SOCS6: variants seen among roughly 807,000 people sequenced by gnomAD.
The protein encoded by SOCS6 is STAT induced STAT inhibitor-4.
Under a neutral mutation model 27.7 loss-of-function variants are expected in SOCS6, and 5 were observed. The observed-to-expected ratio is 0.18, with a 90% CI of 0.09 to 0.38. The LOEUF is 0.38. SOCS6 is among the 10% of genes least tolerant of loss of function. SOCS6 has a pLI of 1.00. For missense variants in SOCS6, 595 were observed against 688.1 expected (o/e 0.86, Z 1.51); for synonymous variants, 271 against 260.0 (o/e 1.04, Z -0.41).
chr18:70,310,742 C>T (rs2062387686), intron 1 of SOCS6, among the ~76,000 whole-genome samples: 1 of 152,136 alleles, frequency 6.6e-6, no homozygotes, highest in Admixed American at 6.5e-5. Context: ...GGACTCTCGT[C>T]TCCCGTCTCC....
intron 1 of SOCS6, among the ~76,000 whole-genome samples, chr18:70,310,951 T>C (rs1439240722): frequency 1.3e-5 from 2 of 152,168 alleles, no homozygotes; most frequent in Non-Finnish European, 2.9e-5. Context: ...GAGATAAAAA[T>C]AGTGTCTTCC....
chr18:70,319,205 A>C (rs1304109452), intron 1 of SOCS6, among the ~76,000 whole-genome samples: 1 of 152,118 alleles, frequency 6.6e-6, no homozygotes, highest in East Asian at 1.9e-4. Context: ...GGGAATGGCA[A>C]ATAGTGTTCT....
At chr18:70,292,159 A>T (rs993103156) in intron 1 of SOCS6, among the ~76,000 whole-genome samples, 4 of 152,104 alleles carry the variant, frequency 2.6e-5, no homozygotes, top group Admixed American at 2.0e-4. Context: ...AGACATACTT[A>T]GATAAAGTCA....
intron 1 of SOCS6, among the ~76,000 whole-genome samples, chr18:70,293,756 C>T (rs886453429): frequency 7.2e-5 from 11 of 151,892 alleles, no homozygotes; most frequent in Admixed American, 3.3e-4. Flanking sequence ...TGTTCCTTTA[C>T]GTATATAATA....
In SOCS6 at chr18:70,324,847, A is replaced by T. The variant is rs1322835301; in HGVS notation, c.179A>T (p.Asp60Val). Residue 60 changes from aspartate (D) to valine (V), a missense_variant, in exon 2 of 2, where the codon GAT (aspartate) becomes GTT (valine). By Grantham distance (152) the Asp-to-Val change is radical (BLOSUM62 -3). Around this residue, in one of 2 missense-constraint regions of SOCS6, gnomAD observed 467 missense variants for 481.1 expected, o/e 0.97. Coordinates refer to ENST00000397942, the MANE Select transcript of SOCS6 (RefSeq NM_004232.4). ...DMASCDINGE[D>V]EKGGKNRSKS... ...GCCAGCTGCGATATCAACGGTGAAG[A>T]TGAAAAAGGCGGAAAAAACAGATCA... The T allele has an allele frequency of 1.2e-6, 2 of 1,614,078 alleles. No homozygotes were observed. Among genetic ancestry groups the T allele is most frequent in the South Asian group, 1.1e-5 (1 of 91,084 alleles).
chr18:70,320,395 C>G (rs1910940267), intron 1 of SOCS6, among the ~76,000 whole-genome samples: 1 of 152,064 alleles, frequency 6.6e-6, no homozygotes, highest in Non-Finnish European at 1.5e-5. Context: ...AGAAAAATAT[C>G]CATAGTTATA....
At position 70,329,113 on chromosome 18, in the gene SOCS6, A is replaced by G. The variant is rs1281414529; in HGVS notation, c.*2837A>G. 6.0e-6 allele frequency: 1 copy of G among 167,096 alleles called. No homozygotes were observed. Among genetic ancestry groups the G allele is most frequent in the African/African-American group, 2.4e-5 (1 of 41,458 alleles). The allele number at this position is 167,096 out of a possible 1,614,324, so 10.4% of individuals were successfully genotyped here. A position where few individuals can be genotyped will look rare whatever the true frequency, so the allele number is the denominator to read the frequency against. ...CTATTTTTAGGCTTACTATAACACT[A>G]TTATGCATTTTTATAAATAAGAAGA... On this transcript the variant is annotated 3_prime_UTR_variant, in exon 2 of 2. Coordinates refer to ENST00000397942, the MANE Select transcript of SOCS6 (RefSeq NM_004232.4).
chr18:70,322,278 T>C (rs1345849441), intron 1 of SOCS6, among the ~76,000 whole-genome samples: 8 of 152,184 alleles, frequency 5.3e-5, no homozygotes, highest in Admixed American at 5.2e-4. Flanking sequence ...AAACAGATAC[T>C]CTTAAAAATT....
At chr18:70,319,896 C>G (rs1910913575) in intron 1 of SOCS6, among the ~76,000 whole-genome samples, 1 of 152,116 alleles carries the variant, frequency 6.6e-6, no homozygotes, top group Admixed American at 6.5e-5. Flanking sequence ...CATGATTATT[C>G]CATGTGTTTT....
chr18:70,321,545 G>A (rs1910994523), intron 1 of SOCS6, among the ~76,000 whole-genome samples: 1 of 147,348 alleles, frequency 6.8e-6, no homozygotes, highest in Non-Finnish European at 1.5e-5. Context: ...CGTTGGCCAG[G>A]CTGGTCTCCA....
At chr18:70,324,446 T>C (rs938326487) in intron 1 of SOCS6, 97 bp from the exon 2 acceptor site, 2 of 392,154 alleles carry the variant, frequency 5.1e-6, no homozygotes, top group Non-Finnish European at 9.0e-6. Flanking sequence ...AAGACTGGGG[T>C]GTTCTCGTTC....
chr18:70,320,451 G>A (rs1437826003), intron 1 of SOCS6, among the ~76,000 whole-genome samples: 1 of 152,064 alleles, frequency 6.6e-6, no homozygotes, highest in Non-Finnish European at 1.5e-5. Flanking sequence ...TTCCAACTAT[G>A]TATCTGGAGG....
chr18:70,303,323 T>C (rs2146270347), intron 1 of SOCS6, among the ~76,000 whole-genome samples: 1 of 152,366 alleles, frequency 6.6e-6, no homozygotes, highest in East Asian at 1.9e-4. Flanking sequence ...TTACTCATAC[T>C]GTTGGAAATT....
chr18:70,296,699 T>TC (rs1345684480), intron 1 of SOCS6: 3 of 152,206 alleles, frequency 2.0e-5, no homozygotes, highest in Non-Finnish European at 4.4e-5. Context: ...CCATTTCTTT[T>TC]CCCCCTGGAA....
intron 1 of SOCS6, among the ~76,000 whole-genome samples, chr18:70,305,929 T>C (rs1325149052): frequency 4.0e-5 from 6 of 151,792 alleles, no homozygotes; most frequent in African/African-American, 1.5e-4. Context: ...TTCCTTGGGT[T>C]TTTCTACGTA....
chr18:70,299,246 A>T (rs2062337699), intron 1 of SOCS6, among the ~76,000 whole-genome samples: 1 of 152,224 alleles, frequency 6.6e-6, no homozygotes, highest in Non-Finnish European at 1.5e-5. Context: ...GATGCCAGTC[A>T]CAAGTCCCAG....
At chr18:70,313,613 A>T (rs1000180750) in intron 1 of SOCS6, among the ~76,000 whole-genome samples, 30 of 152,160 alleles carry the variant, frequency 2.0e-4, no homozygotes, top group African/African-American at 7.2e-4. Flanking sequence ...CCACCTACTC[A>T]TCATCATTCA....
At chr18:70,300,142 T>C (rs75449161) in intron 1 of SOCS6, among the ~76,000 whole-genome samples, 3 of 152,050 alleles carry the variant, frequency 2.0e-5, no homozygotes, top group African/African-American at 4.8e-5. Context: ...TTTTTTTTTT[T>C]CCTTAAGACT....
At chr18:70,290,339 C>G (rs1437033754) in intron 1 of SOCS6, among the ~76,000 whole-genome samples, 1 of 152,198 alleles carries the variant, frequency 6.6e-6, no homozygotes, top group Non-Finnish European at 1.5e-5. Context: ...TTGTTTTTAA[C>G]CAACTACCAC....
Sources: gnomAD v4.1 joint callset for allele counts (sites outside exome capture counted in the v4.1 genomes callset) on GRCh38, gnomAD v4.1.1 for gene constraint, gnomAD v4.1.1 regional missense constraint, MANE v1.5 for transcripts, NCBI Gene and HGNC (gene_info 2026-07-23, HGNC 2026-07-21) for gene names.